Variants in LRP1B observed in about 807,000 individuals in gnomAD.
LRP1B encodes the protein low-density lipoprotein receptor-related protein 1B.
A neutral mutation model predicts 556.6 loss-of-function variants in LRP1B; 217 were observed. That is an observed-to-expected ratio of 0.39 (90% confidence interval 0.35 to 0.44). The LOEUF is 0.44. Among genes scored for constraint, LRP1B ranks in the 20% least tolerant of loss-of-function variants. The probability of loss-of-function intolerance (pLI) is 1.00; values close to 1 mark genes in which losing one functional copy is unlikely to be tolerated. For missense variants in LRP1B, 5,053 were observed against 5,620.8 expected, an observed-to-expected ratio of 0.90 and a Z score of 3.23; for synonymous variants, 2,047 against 1,865.8, an observed-to-expected ratio of 1.10 and a Z score of -2.50.
At chr2:140,285,212 G>A (rs922652762) in intron 84 of LRP1B, among the ~76,000 whole-genome samples, 1 of 149,172 alleles carries the variant, frequency 6.7e-6, no homozygotes, top group Non-Finnish European at 1.5e-5. Context: ...GATATCTATG[G>A]ATAGAGATAT....
intron 7 of LRP1B, among the ~76,000 whole-genome samples, chr2:141,153,332 A>G (rs1007806422): frequency 6.5e-5 from 7 of 108,436 alleles, no homozygotes; most frequent in African/African-American, 2.2e-4. Flanking sequence ...ATATATTTAT[A>G]TAATAATATA....
At chr2:141,251,395 T>C (rs1684254123) in intron 4 of LRP1B, among the ~76,000 whole-genome samples, 1 of 152,110 alleles carries the variant, frequency 6.6e-6, no homozygotes, top group Admixed American at 6.6e-5. Context: ...TAGTTGATTG[T>C]TAAAGTTTGT....
intron 1 of LRP1B, among the ~76,000 whole-genome samples, chr2:141,822,923 GC>G (rs1696803224): frequency 6.6e-6 from 1 of 152,170 alleles, no homozygotes; most frequent in South Asian, 2.1e-4. Flanking sequence ...CATCTGGAGT[GC>G]TGCTGGAAGA....
rs944439824 is a variant in LRP1B, at chr2:141,100,453, C to A, written c.1014-38180G>T. On this transcript the variant is annotated intron_variant, in intron 7 of 90. Transcript: ENST00000389484. ...TCAAACACCTTTTCCCTGTCTCCAT[C>A]ATAAAGAGGGCTAGAAAGTGTTAAG... Among the ~76,000 whole-genome samples, 39 of 152,254 alleles carry A rather than the reference C, an allele frequency of 2.6e-4. 1 individual carries two copies. Among genetic ancestry groups the A allele is most frequent in the Admixed American group, 2.4e-3 (36 of 15,288 alleles).
intron 1 of LRP1B, among the ~76,000 whole-genome samples, chr2:142,113,491 A>G (rs1239278361): frequency 6.6e-6 from 1 of 151,664 alleles, no homozygotes; most frequent in Non-Finnish European, 1.5e-5. Flanking sequence ...GTTGCCACAA[A>G]AAAAAAAATG....
At chr2:142,089,926 A>G (rs1309128188) in intron 1 of LRP1B, among the ~76,000 whole-genome samples, 3 of 152,150 alleles carry the variant, frequency 2.0e-5, no homozygotes, top group East Asian at 3.8e-4. Context: ...TTTATCTCTC[A>G]TAGGCAGGTA....
chr2:141,912,727 G>C (rs1289777666), intron 1 of LRP1B, among the ~76,000 whole-genome samples: 3 of 152,264 alleles, frequency 2.0e-5, no homozygotes, highest in Admixed American at 6.5e-5. Context: ...CCCTATACTA[G>C]AAGGAAAGTT....
chr2:140,683,976 A>G, intron 41 of LRP1B: 1 of 328,662 alleles, frequency 3.0e-6, no homozygotes, highest in Non-Finnish European at 5.7e-6. Flanking sequence ...CAAAGCCCGC[A>G]GTTACTTTTG....
intron 2 of LRP1B, among the ~76,000 whole-genome samples, chr2:141,512,441 T>C (rs1266095491): frequency 6.6e-6 from 1 of 152,064 alleles, no homozygotes; most frequent in Non-Finnish European, 1.5e-5. Context: ...TCTAAAAATA[T>C]TTACTCCAGA....
At chr2:141,528,791 C>T (rs1399285357) in intron 2 of LRP1B, among the ~76,000 whole-genome samples, 3 of 152,044 alleles carry the variant, frequency 2.0e-5, no homozygotes, top group African/African-American at 7.2e-5. Flanking sequence ...GAACAAGACT[C>T]ACGACTCAGT....
At chr2:141,760,335 A>G (rs1158890877) in intron 2 of LRP1B, among the ~76,000 whole-genome samples, 2 of 152,176 alleles carry the variant, frequency 1.3e-5, no homozygotes, top group Admixed American at 1.3e-4. Flanking sequence ...AAAAAAACAC[A>G]TCTTCATTAG....
chr2:141,364,680 T>C (rs900788062), intron 3 of LRP1B, among the ~76,000 whole-genome samples: 3 of 152,198 alleles, frequency 2.0e-5, no homozygotes, highest in African/African-American at 7.2e-5. Context: ...AAATAAAATA[T>C]AGTAATATCT....
At chr2:141,336,517 T>G (rs2105506298) in intron 3 of LRP1B, among the ~76,000 whole-genome samples, 1 of 152,334 alleles carries the variant, frequency 6.6e-6, no homozygotes, top group South Asian at 2.1e-4. Flanking sequence ...ATTTGTTAAT[T>G]TTGCTTACAA....
Position 140,497,001 on chromosome 2 carries a change from T to C in LRP1B, c.8851-1253A>G, listed in dbSNP as rs998182337. Among the ~76,000 whole-genome samples the C allele has an allele frequency of 4.0e-5, 6 of 151,680 alleles. No homozygotes were observed. The East Asian group carries it at 5.8e-4, about 15-fold the overall frequency. ...AAGCTATTAGAATGATATATGTCCA[T>C]ATTAATAAAAAATCAGGAAACAATT... On this transcript the variant is annotated intron_variant, in intron 55 of 90. Transcript: ENST00000389484.
At chr2:140,300,765 A>G (rs1683786822) in intron 83 of LRP1B, among the ~76,000 whole-genome samples, 1 of 152,156 alleles carries the variant, frequency 6.6e-6, no homozygotes. Flanking sequence ...ACATAATAAT[A>G]CTGCCTACCT....
chr2:141,781,663 T>G (rs1365442508), intron 2 of LRP1B, among the ~76,000 whole-genome samples: 1 of 152,178 alleles, frequency 6.6e-6, no homozygotes, highest in African/African-American at 2.4e-5. Flanking sequence ...TAATTTAAAT[T>G]TCCCTTCTTG....
intron 7 of LRP1B, among the ~76,000 whole-genome samples, chr2:141,143,120 G>C (rs780303712): frequency 6.6e-6 from 1 of 151,732 alleles, no homozygotes; most frequent in Non-Finnish European, 1.5e-5. Context: ...TAGTAAAGAC[G>C]GGGTTTCACC....
chr2:142,037,850 T>C (rs888418504), intron 1 of LRP1B, among the ~76,000 whole-genome samples: 1 of 151,572 alleles, frequency 6.6e-6, no homozygotes, highest in African/African-American at 2.4e-5. Flanking sequence ...ATGTATAAGA[T>C]AATAGCTGCA....
chr2:140,921,305 T>C (rs1260614244), intron 21 of LRP1B, among the ~76,000 whole-genome samples: 8 of 152,026 alleles, frequency 5.3e-5, no homozygotes, highest in African/African-American at 1.4e-4. Flanking sequence ...TTTTCCATAT[T>C]GGTTTATATT....
Sources: gnomAD v4.1 joint callset for allele counts (sites outside exome capture counted in the v4.1 genomes callset) on GRCh38, gnomAD v4.1.1 for gene constraint, MANE v1.5 for transcripts, NCBI Gene and HGNC (gene_info 2026-07-23, HGNC 2026-07-21) for gene names.